The following ACP4 variants were observed in gnomAD, a reference collection of about 807,000 sequenced individuals.
ACP4 encodes testicular acid phosphatase.
ACP4 carries 49 observed loss-of-function variants against 47.3 expected under a neutral mutation model. That is an observed-to-expected ratio of 1.04 (90% confidence interval 0.82 to 1.32). The LOEUF (loss-of-function observed/expected upper bound fraction) is 1.32. Among genes scored for constraint, ACP4 ranks in the 40% most tolerant of loss-of-function variants. The pLI is 0.00. For missense variants in ACP4, 594 were observed against 579.3 expected, an observed-to-expected ratio of 1.03 and a Z score of -0.26; for synonymous variants, 299 against 265.3, an observed-to-expected ratio of 1.13 and a Z score of -1.23.
At chr19:50,791,433 AC>A (rs1007727230) in intron 3 of ACP4, among the ~76,000 whole-genome samples, 3 of 151,830 alleles carry the variant, frequency 2.0e-5, no homozygotes, top group Admixed American at 6.6e-5. Flanking sequence ...GACTCAATTG[AC>A]CCCCTAAATC....
chr19:50,791,588 T>C, intron 3 of ACP4, 68 bp from the exon 4 acceptor site: 2 of 1,561,750 alleles, frequency 1.3e-6, no homozygotes, highest in East Asian at 2.3e-5. Context: ...GGCTTCTGAT[T>C]TGCCACGACA....
intron 6 of ACP4, chr19:50,792,675 GCTT>G: frequency 6.2e-6 from 1 of 161,050 alleles, no homozygotes; most frequent in African/African-American, 2.7e-5. Flanking sequence ...ATGATGCAAT[GCTT>G]TTTTTTTTTT....
At position 50,791,799 on chromosome 19, in the gene ACP4, TAAG is replaced by T; in HGVS notation, c.448_450del (p.Lys150del). The T allele has an allele frequency of 6.2e-7, 1 of 1,602,316 alleles. No individual in the cohort carries two copies. The highest frequency in any genetic ancestry group is 8.5e-7 in the Non-Finnish European group (1 of 1,175,086). ...TGCACACGGTGCCCGTGGCTGAGGATAAGGTCAGGGGGCTGGACCCACGTGTGG... is the reference window on the plus strand; with the variant it reads ...TGCACACGGTGCCCGTGGCTGAGGATGTCAGGGGGCTGGACCCACGTGTGG... On this transcript the variant is annotated inframe_deletion and splice_region_variant, in exon 4 of 11. Transcript: ENST00000270593.
In ACP4 at chr19:50,791,790, G is replaced by GT; in HGVS notation, c.438_439insT (p.Ala147CysfsTer2). The GT allele has an allele frequency of 6.2e-7, 1 of 1,607,224 alleles. No individual in the cohort carries two copies. On this transcript the variant is annotated frameshift_variant, in exon 4 of 11. Coordinates refer to ENST00000270593, the MANE Select transcript of ACP4 (RefSeq NM_033068.3). LOFTEE classifies it high-confidence loss of function. Reference sequence around the variant, plus strand: ...CGATCCCGGTGCACACGGTGCCCGTGGCTGAGGATAAGGTCAGGGGGCTGG... The same window carrying GT: ...CGATCCCGGTGCACACGGTGCCCGTGTGCTGAGGATAAGGTCAGGGGGCTGG...
At chr19:50,791,620 C>T (rs781079098) in intron 3 of ACP4, 36 bp from the exon 4 acceptor site, 16 of 1,589,736 alleles carry the variant, frequency 1.0e-5, no homozygotes, top group East Asian at 2.3e-5. Context: ...TCCCCAACCA[C>T]GACCCCCCGC....
At chr19:50,795,020 C>G in intron 10 of ACP4, 23 bp from the exon 11 acceptor site, 1 of 1,612,646 alleles carries the variant, frequency 6.2e-7, no homozygotes, top group Non-Finnish European at 8.5e-7. Flanking sequence ...CTGGCACTCA[C>G]CCCCCGCGTG....
At position 50,790,779 on chromosome 19, in the gene ACP4, G is replaced by A. The variant is rs1302708905; in HGVS notation, c.222G>A (p.Gly74=). ...TGAGGCTGTTCTGTCCCCAGGAGGG[G>A]GTCCGCCAGCAGCTGGAGCTGGGCC... ...PRGLGQLTTE[G]VRQQLELGRF... Residue 74 remains glycine (G), a synonymous_variant, in exon 3 of 11, where the codon GGG becomes GGA. Transcript: ENST00000270593. 1 of 1,547,880 alleles carries A rather than the reference G, an allele frequency of 6.5e-7. No homozygotes were observed. Among genetic ancestry groups the A allele is most frequent in the Non-Finnish European group, 8.7e-7 (1 of 1,146,624 alleles).
In ACP4 at chr19:50,793,690, C is replaced by A. The variant is rs922239023; in HGVS notation, c.652C>A (p.His218Asn). The change falls in exon 7 of 11, where the codon CAC (histidine) becomes AAC (asparagine). Residue 218 changes from histidine to asparagine, a missense_variant. By Grantham distance (68) the His-to-Asn change is moderately conservative. Transcript: ENST00000270593. Reference sequence around the variant, plus strand: ...CTGTCCTGTCTCCCCACAGCAAGCCCACGGTCTTCCACTACCAGCCTGGGC... The same window carrying A: ...CTGTCCTGTCTCCCCACAGCAAGCCAACGGTCTTCCACTACCAGCCTGGGC... ...VLDTLMCQQA[H>N]GLPLPAWASP... 2 of 1,613,170 alleles carry A rather than the reference C, an allele frequency of 1.2e-6. No homozygotes were observed. The highest frequency in any genetic ancestry group is 2.7e-5 in the African/African-American group (2 of 74,942).
chr19:50,791,173 C>T (rs777940579), intron 3 of ACP4, among the ~76,000 whole-genome samples: 5 of 152,210 alleles, frequency 3.3e-5, no homozygotes, highest in Admixed American at 6.5e-5. Flanking sequence ...AACTTGATTT[C>T]GATCTTTGAC....
rs778635674 is a variant in ACP4, at chr19:50,794,983, G to A, written c.1165+19G>A. On this transcript the variant is annotated intron_variant, in intron 10 of 10. Coordinates refer to ENST00000270593, the MANE Select transcript of ACP4 (RefSeq NM_033068.3). ...CCCCCAGGTGACAGTCCTCTGTGTT[G>A]GGGTGGGAGTGGAGGGTTGCCAAGT... 4 of 1,613,544 alleles carry A rather than the reference G, an allele frequency of 2.5e-6. No homozygotes were observed. The highest frequency in any genetic ancestry group is 3.4e-6 in the Non-Finnish European group (4 of 1,179,896).
chr19:50,792,585 G>A, intron 6 of ACP4: 1 of 467,034 alleles, frequency 2.1e-6, no homozygotes, highest in Admixed American at 3.7e-5. Flanking sequence ...GCCAGGGTTT[G>A]AGGCTACACA....
Position 50,795,190 on chromosome 19 carries a change from G to A in ACP4, c.*32G>A. 1.3e-6 allele frequency: 2 copies of A among 1,503,730 alleles called. No individual in the cohort carries two copies. Among genetic ancestry groups the A allele is most frequent in the Non-Finnish European group, 1.8e-6 (2 of 1,124,336 alleles). 93.1% of individuals were successfully genotyped at this position (1,503,730 alleles called of 1,614,324 possible). A position where few individuals can be genotyped will look rare whatever the true frequency, so the allele number is the denominator to read the frequency against. On this transcript the variant is annotated 3_prime_UTR_variant, in exon 11 of 11. Coordinates refer to ENST00000270593, the MANE Select transcript of ACP4 (RefSeq NM_033068.3). Reference sequence around the variant, plus strand: ...AACCAGGGCTTCCCTACCCCCAGCTGACACTGGACCCCAACATGTATGCTC... The same window carrying A: ...AACCAGGGCTTCCCTACCCCCAGCTAACACTGGACCCCAACATGTATGCTC...
rs1207633249 is a variant in ACP4, at chr19:50,790,638, G to C, written c.156G>C (p.Met52Ile). 6.4e-7 allele frequency: 1 copy of C among 1,552,232 alleles called. No homozygotes were observed. The highest frequency in any genetic ancestry group is 8.7e-7 in the Non-Finnish European group (1 of 1,149,492). ...GGGCCCCGCTGGCCTCCTACCCCAT[G>C]GACCCACACAAGGAGGTGGCCTCCA... ...GDRAPLASYP[M>I]DPHKEVASTL... is the part of the protein sequence containing the mutation. Residue 52 changes from methionine to isoleucine, a missense_variant, in exon 2 of 11, where the codon ATG (methionine) becomes ATC (isoleucine). Coordinates refer to ENST00000270593, the MANE Select transcript of ACP4 (RefSeq NM_033068.3).
chr19:50,794,890 A>G lies in ACP4; in HGVS notation c.1091A>G (p.Gln364Arg), dbSNP rs1267992114. 6.2e-7 allele frequency: 1 copy of G among 1,613,636 alleles called. No homozygotes were observed. The highest frequency in any genetic ancestry group is 1.3e-5 in the African/African-American group (1 of 74,932). The stretch of plus-strand genomic sequence containing the variant: ...CCCTGTCCACTAGGCCGCTTCTACC[A>G]GCTGACTGCCCCGGCCCGGCCTCCC... Reference protein sequence around the residue: ...PAPCPLGRFYQLTAPARPPAH... With the variant: ...PAPCPLGRFYRLTAPARPPAH... The change falls in exon 10 of 11, where the codon CAG (glutamine) becomes CGG (arginine). Residue 364 changes from glutamine (Q) to arginine (R), a missense_variant. By Grantham distance (43) the Gln-to-Arg change is conservative (BLOSUM62 1). Transcript: ENST00000270593.
chr19:50,794,967 G>A lies in ACP4; in HGVS notation c.1165+3G>A. ...CTATGAGGCTGCCATCCCCCCAGGT[G>A]ACAGTCCTCTGTGTTGGGGTGGGAG... On this transcript the variant is annotated splice_donor_region_variant and intron_variant, in intron 10 of 10. Coordinates refer to ENST00000270593, the MANE Select transcript of ACP4 (RefSeq NM_033068.3). The A allele has an allele frequency of 6.2e-7, 1 of 1,613,360 alleles. No individual in the cohort carries two copies. The highest frequency in any genetic ancestry group is 8.5e-7 in the Non-Finnish European group (1 of 1,179,820).
intron 3 of ACP4, 76 bp from the exon 4 acceptor site, chr19:50,791,580 C>A: frequency 6.5e-7 from 1 of 1,549,866 alleles, no homozygotes; most frequent in Non-Finnish European, 8.8e-7. Flanking sequence ...GAATCTGAGG[C>A]TTCTGATTTG....
rs1274555628 is a variant in ACP4, at chr19:50,795,092, C to T, written c.1215C>T (p.Leu405=). ...LAGAVAVLVA[L]SLGLGLLAWR... ...GAGCTGTAGCTGTGCTGGTGGCACT[C>T]AGCTTGGGGCTGGGCCTGCTGGCCT... The change falls in exon 11 of 11, where the codon CTC becomes CTT. Residue 405 remains leucine (L), a synonymous_variant. Transcript: ENST00000270593. 16 of 1,587,400 alleles carry T rather than the reference C, an allele frequency of 1.0e-5. No homozygotes were observed. The highest frequency in any genetic ancestry group is 1.4e-5 in the Non-Finnish European group (16 of 1,167,896).
Position 50,795,127 on chromosome 19 carries a change from G to A in ACP4, c.1250G>A (p.Gly417Glu), listed in dbSNP as rs747716630. 11 of 1,560,168 alleles carry A rather than the reference G, an allele frequency of 7.1e-6. No individual in the cohort carries two copies. Among genetic ancestry groups the A allele is most frequent in the African/African-American group, 2.7e-5 (2 of 73,618 alleles). ...CTGGGCCTGCTGGCCTGGAGACCAG[G>A]GTGCCTGCGGGCCTTGGGGGGCCCC... ...LGLGLLAWRP[G>E]CLRALGGPV The change falls in exon 11 of 11, where the codon GGG becomes GAG. Residue 417 changes from glycine (G) to glutamate (E), a missense_variant. Coordinates refer to ENST00000270593, the MANE Select transcript of ACP4 (RefSeq NM_033068.3).
rs770737572 is a variant in ACP4 at position 50,791,672 on chromosome 19, C to T, written c.320C>T (p.Thr107Met). The change falls in exon 4 of 11, where the codon ACG (threonine) becomes ATG (methionine). Residue 107 changes from threonine (T) to methionine (M), a missense_variant. By Grantham distance (81) the Thr-to-Met change is moderately conservative. Coordinates refer to ENST00000270593, the MANE Select transcript of ACP4 (RefSeq NM_033068.3). ...YRREEVYIRS[T>M]DFDRTLESAQ... ...CCGCTCCAGGTGTACATCCGCAGCACGGACTTTGACCGCACGCTGGAGAGT... is the reference window on the plus strand; with the variant it reads ...CCGCTCCAGGTGTACATCCGCAGCATGGACTTTGACCGCACGCTGGAGAGT... 1.1e-5 allele frequency: 17 copies of T among 1,612,576 alleles called. No homozygotes were observed. The highest frequency in any genetic ancestry group is 4.0e-5 in the African/African-American group (3 of 74,926).
Sources: gnomAD v4.1 joint callset for allele counts (sites outside exome capture counted in the v4.1 genomes callset) on GRCh38, gnomAD v4.1.1 for gene constraint, MANE v1.5 for transcripts, NCBI Gene and HGNC (gene_info 2026-07-23, HGNC 2026-07-21) for gene names.